Variants in CCDC102B observed in about 807,000 individuals in gnomAD.
The protein encoded by CCDC102B is coiled-coil domain containing 102B, also known as coiled-coil domain-containing protein 102B.
A neutral mutation model predicts 57.4 loss-of-function variants in CCDC102B; 75 were observed. That is an observed-to-expected ratio of 1.31 (90% confidence interval 1.08 to 1.58). The LOEUF (loss-of-function observed/expected upper bound fraction) is 1.58. CCDC102B is among the 40% of genes most tolerant of loss of function. The pLI is 0.00. For missense variants in CCDC102B, 636 were observed against 582.6 expected (o/e 1.09, Z -0.94); for synonymous variants, 206 against 201.9 (o/e 1.02, Z -0.17).
At position 69,010,919 on chromosome 18, in the gene CCDC102B, G is replaced by A. The variant is rs759438293; in HGVS notation, c.1264-15G>A. The A allele has an allele frequency of 1.3e-6, 2 of 1,546,344 alleles. 1 individual carries two copies. The highest frequency in any genetic ancestry group is 2.5e-5 in the South Asian group (2 of 79,334). ...ATAGACTATAAATAATGTAATTTTT[G>A]TTTTCCTTTGAAAGGAATTACTGAA... On this transcript the variant is annotated splice_polypyrimidine_tract_variant and intron_variant, in intron 6 of 7. Transcript: ENST00000360242.
At chr18:68,900,822 T>C (rs1177697000) in intron 6 of CCDC102B, among the ~76,000 whole-genome samples, 1 of 152,132 alleles carries the variant, frequency 6.6e-6, no homozygotes, top group Non-Finnish European at 1.5e-5. Flanking sequence ...AACCAGCAAG[T>C]TATTACAGCC....
chr18:68,873,090 T>C (rs893823010), intron 4 of CCDC102B, among the ~76,000 whole-genome samples: 1 of 152,196 alleles, frequency 6.6e-6, no homozygotes, highest in African/African-American at 2.4e-5. Flanking sequence ...CCAAAACTGG[T>C]TGCTTTCATT....
At chr18:68,918,386 T>C (rs932412400) in intron 6 of CCDC102B, among the ~76,000 whole-genome samples, 2 of 152,152 alleles carry the variant, frequency 1.3e-5, no homozygotes, top group African/African-American at 2.4e-5. Flanking sequence ...TTACCTCCTA[T>C]GGTTATGGTT....
chr18:69,004,149 G>A (rs927228307), intron 6 of CCDC102B, among the ~76,000 whole-genome samples: 5 of 152,132 alleles, frequency 3.3e-5, no homozygotes, highest in African/African-American at 1.2e-4. Context: ...ATTTAATTGT[G>A]TAGGGTACAT....
chr18:68,799,201 A>C (rs925141870), intron 1 of CCDC102B, among the ~76,000 whole-genome samples: 3 of 152,168 alleles, frequency 2.0e-5, no homozygotes, highest in African/African-American at 7.2e-5. Flanking sequence ...TTTTAATGAA[A>C]GCAATAAATT....
At chr18:68,751,012 G>A (rs2033828846) in intron 2 of CCDC102B, among the ~76,000 whole-genome samples, 2 of 151,896 alleles carry the variant, frequency 1.3e-5, no homozygotes, top group Admixed American at 1.3e-4. Flanking sequence ...TAGTCACATG[G>A]TGCAGCTAAG....
At chr18:68,953,169 C>A (rs945503658) in intron 6 of CCDC102B, among the ~76,000 whole-genome samples, 1 of 151,942 alleles carries the variant, frequency 6.6e-6, no homozygotes, top group African/African-American at 2.4e-5. Flanking sequence ...AAATCAAAAT[C>A]AAAACAATAC....
chr18:68,853,743 C>A (rs2038252876), intron 4 of CCDC102B, among the ~76,000 whole-genome samples: 2 of 142,956 alleles, frequency 1.4e-5, no homozygotes, highest in Admixed American at 1.5e-4. Flanking sequence ...CTCTGCATTC[C>A]TTTAGGTTAA....
In CCDC102B at chr18:68,872,646, T is replaced by C. The variant is rs1180611779; in HGVS notation, c.937-2023T>C. 2.6e-5 allele frequency among the ~76,000 whole-genome samples: 4 copies of C among 152,198 alleles called. No individual in the cohort carries two copies. In the East Asian group the frequency reaches 7.7e-4, roughly 29 times the overall value. ...ATCAAAAACCACCATGATCTCTTACTTCAGTTATTTTAAGAGCCTCTGTCC... is the reference window on the plus strand; with the variant it reads ...ATCAAAAACCACCATGATCTCTTACCTCAGTTATTTTAAGAGCCTCTGTCC... On this transcript the variant is annotated intron_variant, in intron 4 of 7. Transcript: ENST00000360242.
intron 1 of CCDC102B, among the ~76,000 whole-genome samples, chr18:68,824,328 G>A (rs2036819846): frequency 1.3e-5 from 2 of 152,196 alleles, no homozygotes; most frequent in Admixed American, 1.3e-4. Flanking sequence ...CCCATTGCTT[G>A]TTTTTGTTGG....
chr18:69,022,248 A>G (rs1263265372), intron 7 of CCDC102B, among the ~76,000 whole-genome samples: 1 of 141,776 alleles, frequency 7.1e-6, no homozygotes, highest in Non-Finnish European at 1.5e-5. Flanking sequence ...GTGCGTGTGC[A>G]CACACACACA....
chr18:68,718,230 A>T (rs374356037), intron 2 of CCDC102B: 6 of 152,386 alleles, frequency 3.9e-5, no homozygotes, highest in African/African-American at 1.2e-4. Context: ...CTATAGCAGG[A>T]CAGTTTGTAA....
intron 5 of CCDC102B, among the ~76,000 whole-genome samples, chr18:68,884,379 G>A (rs957283039): frequency 4.6e-5 from 7 of 152,092 alleles, no homozygotes; most frequent in Non-Finnish European, 7.4e-5. Context: ...GGATGGGCCA[G>A]TAGGACATTA....
chr18:68,787,297 G>T (rs1006034460), intron 2 of CCDC102B, among the ~76,000 whole-genome samples: 3 of 151,464 alleles, frequency 2.0e-5, no homozygotes, highest in Non-Finnish European at 4.4e-5. Context: ...CTCTTTTTTG[G>T]TTGTGTCTCG....
At chr18:68,937,689 T>C (rs1209183075) in intron 6 of CCDC102B, among the ~76,000 whole-genome samples, 2 of 152,042 alleles carry the variant, frequency 1.3e-5, no homozygotes, top group African/African-American at 4.8e-5. Flanking sequence ...CATGGTGGTT[T>C]GCTGCACCCA....
chr18:68,751,603 T>A lies in CCDC102B; in HGVS notation c.-67+35009T>A, dbSNP rs543230140. On this transcript the variant is annotated intron_variant, in intron 2 of 3. Coordinates refer to the CCDC102B transcript ENST00000578970. ...TTGTTTGACCTCAGCTAGAAACTTG[T>A]ACATCAGGTGACCCAAATTTTTTGC... is the stretch of plus-strand genomic sequence containing the variant. 2.0e-5 allele frequency among the ~76,000 whole-genome samples: 3 copies of A among 152,302 alleles called. No individual in the cohort carries two copies. In the South Asian group the frequency reaches 6.2e-4, roughly 32 times the overall value.
chr18:68,837,188 G>T lies in CCDC102B; in HGVS notation c.425G>T (p.Ser142Ile). 6.2e-7 allele frequency: 1 copy of T among 1,614,040 alleles called. No homozygotes were observed. Among genetic ancestry groups the T allele is most frequent in the Non-Finnish European group, 8.5e-7 (1 of 1,179,950 alleles). ...TTGAGTACACTGAAAAAGAAACAGAGTTTGCCACCTCAGAAGGAGGCATTA... is the reference window on the plus strand; with the variant it reads ...TTGAGTACACTGAAAAAGAAACAGATTTTGCCACCTCAGAAGGAGGCATTA... ...KELSTLKKKQSLPPQKEALEA... is the reference protein window; with the variant it reads ...KELSTLKKKQILPPQKEALEA... Residue 142 changes from serine to isoleucine, a missense_variant, in exon 2 of 8, where the codon AGT becomes ATT. Coordinates refer to ENST00000360242, the MANE Select transcript of CCDC102B (RefSeq NM_024781.3).
At chr18:68,761,980 G>A (rs2034269015) in intron 2 of CCDC102B, among the ~76,000 whole-genome samples, 2 of 151,770 alleles carry the variant, frequency 1.3e-5, no homozygotes, top group African/African-American at 4.8e-5. Flanking sequence ...AAGTAATTCC[G>A]GTCTGTTTAA....
At chr18:68,818,392 A>G (rs1025597529) in intron 1 of CCDC102B, among the ~76,000 whole-genome samples, 5 of 152,184 alleles carry the variant, frequency 3.3e-5, no homozygotes, top group Admixed American at 3.3e-4. Context: ...TAAATGTTCA[A>G]CGTTGATGGC....
Sources: gnomAD v4.1 joint callset for allele counts (sites outside exome capture counted in the v4.1 genomes callset) on GRCh38, gnomAD v4.1.1 for gene constraint, MANE v1.5 for transcripts, NCBI Gene and HGNC (gene_info 2026-07-23, HGNC 2026-07-21) for gene names.